Variants in ARHGAP39 observed in about 807,000 individuals in gnomAD.
ARHGAP39 encodes the protein rho GTPase-activating protein 39.
In ARHGAP39, 44 loss-of-function variants were observed where a neutral mutation model predicts 106.9. That is an observed-to-expected ratio of 0.41 (90% CI 0.32 to 0.53). The LOEUF is 0.53. Ranked by LOEUF, ARHGAP39 falls within the 20% of genes least tolerant of loss-of-function variation. The probability of loss-of-function intolerance (pLI) is 0.21; values close to 1 mark genes in which losing one functional copy is unlikely to be tolerated. For synonymous variants in ARHGAP39, 768 were observed against 693.2 expected (o/e 1.11, Z -1.69); for missense variants, 1,496 against 1,577.3 (o/e 0.95, Z 0.87).
In ARHGAP39 at chr8:144,530,909, C is replaced by T. The variant is rs539971387; in HGVS notation, c.2981-38G>A. ...CACGGGGCTCAGCGGCCCTGCTCGGCGGGCACCCCTGGGCCAAATGGGGTC... is the reference window on the plus strand; with the variant it reads ...CACGGGGCTCAGCGGCCCTGCTCGGTGGGCACCCCTGGGCCAAATGGGGTC... On this transcript the variant is annotated intron_variant, in intron 10 of 11. Coordinates refer to ENST00000377307, the MANE Select transcript of ARHGAP39 (RefSeq NM_025251.3). 3.5e-5 allele frequency: 55 copies of T among 1,583,116 alleles called. No homozygotes were observed. In the South Asian group the frequency reaches 4.1e-4, roughly 12 times the overall value.
At chr8:144,601,309 T>G (rs1416750835) in intron 2 of ARHGAP39, among the ~76,000 whole-genome samples, 5 of 133,274 alleles carry the variant, frequency 3.8e-5, no homozygotes, top group Non-Finnish European at 7.7e-5. Flanking sequence ...CTCATGTACC[T>G]GTGTGTGTGT....
the ARHGAP39 span, among the ~76,000 whole-genome samples, chr8:144,693,259 T>G: frequency 6.7e-6 from 1 of 149,880 alleles, no homozygotes; most frequent in African/African-American, 2.5e-5. Flanking sequence ...GAGGTGAGGT[T>G]TCGCCATGTT....
intron 3 of ARHGAP39, among the ~76,000 whole-genome samples, chr8:144,569,197 T>C (rs1818503641): frequency 1.3e-5 from 2 of 152,194 alleles, no homozygotes; most frequent in Non-Finnish European, 1.5e-5. Context: ...GCAAAGAATA[T>C]TTCTAGGAAC....
At chr8:144,541,961 T>G (rs986567271) in intron 6 of ARHGAP39, among the ~76,000 whole-genome samples, 3 of 131,558 alleles carry the variant, frequency 2.3e-5, no homozygotes, top group Non-Finnish European at 4.7e-5. Context: ...CATTTTACAT[T>G]CCTTTCTGGG....
the ARHGAP39 span, among the ~76,000 whole-genome samples, chr8:144,696,619 A>G: frequency 5.3e-4 from 80 of 152,092 alleles, no homozygotes; most frequent in African/African-American, 1.9e-3. Flanking sequence ...TTTCACTAAG[A>G]TTTTTATTGC....
intron 1 of ARHGAP39, among the ~76,000 whole-genome samples, chr8:144,615,163 A>T (rs1820600842): frequency 6.6e-6 from 1 of 152,224 alleles, no homozygotes; most frequent in Non-Finnish European, 1.5e-5. Context: ...CTACCAAAAA[A>T]TACAATGATT....
chr8:144,543,884 G>A (rs1817296160), intron 6 of ARHGAP39: 1 of 152,252 alleles, frequency 6.6e-6, no homozygotes, highest in Admixed American at 6.5e-5. Context: ...TACTCTCGGG[G>A]GTACCCACTG....
At chr8:144,531,192 G>A (rs964633330) in intron 10 of ARHGAP39, among the ~76,000 whole-genome samples, 10 of 147,836 alleles carry the variant, frequency 6.8e-5, no homozygotes, top group African/African-American at 2.2e-4. Flanking sequence ...ACAGGGCAGA[G>A]AGCAGCAGGT....
intron 1 of ARHGAP39, among the ~76,000 whole-genome samples, chr8:144,656,806 T>TAAAA (rs1821709007): frequency 7.3e-5 from 1 of 13,670 alleles, no homozygotes; most frequent in Non-Finnish European, 1.3e-4. Context: ...AGACTCCATC[T>TAAAA]CAAAAAAAAA....
At chr8:144,676,979 A>G (rs886955833) in intron 1 of ARHGAP39, among the ~76,000 whole-genome samples, 4 of 152,266 alleles carry the variant, frequency 2.6e-5, no homozygotes, top group Admixed American at 2.6e-4. Flanking sequence ...CATGTTGGTC[A>G]GGATGGTCTT....
At chr8:144,560,514 C>A (rs181209612) in intron 3 of ARHGAP39, among the ~76,000 whole-genome samples, 1 of 152,182 alleles carries the variant, frequency 6.6e-6, no homozygotes, top group Non-Finnish European at 1.5e-5. Context: ...CACATAATTA[C>A]GGTACAGAAC....
intron 3 of ARHGAP39, among the ~76,000 whole-genome samples, chr8:144,575,862 C>T (rs1818753687): frequency 6.6e-6 from 1 of 152,156 alleles, no homozygotes; most frequent in Non-Finnish European, 1.5e-5. Context: ...CTTGCGAGTA[C>T]GGTGTTGCAC....
intron 7 of ARHGAP39, 38 bp from the exon 8 acceptor site, chr8:144,534,240 G>T (rs758294695): frequency 1.2e-6 from 2 of 1,607,112 alleles, no homozygotes; most frequent in Admixed American, 3.3e-5. Flanking sequence ...TGATGTGGGT[G>T]TGTGGGTGTG....
At chr8:144,664,962 G>A (rs1821924734) in intron 1 of ARHGAP39, among the ~76,000 whole-genome samples, 1 of 152,230 alleles carries the variant, frequency 6.6e-6, no homozygotes, top group African/African-American at 2.4e-5. Flanking sequence ...GAACAGTTTG[G>A]AGGGTTCAAA....
rs1221489177 is a variant in ARHGAP39 at position 144,545,587 on chromosome 8, T to C, written c.2183A>G (p.Lys728Arg). ...NMLAWSSESIKKPMIVTSDRH... is the reference protein window; with the variant it reads ...NMLAWSSESIRKPMIVTSDRH... ...GTCGCTTGTCACGATCATGGGCTTC[T>C]TGATGGACTCGCTGCTCCAGGCCAG... Residue 728 changes from lysine (K) to arginine (R), a missense_variant, in exon 6 of 12, where the codon AAG becomes AGG. Physicochemically the swap from Lys to Arg is conservative, Grantham distance 26. Transcript: ENST00000377307. 1 of 1,613,666 alleles carries C rather than the reference T, an allele frequency of 6.2e-7. No homozygotes were observed. The highest frequency in any genetic ancestry group is 8.5e-7 in the Non-Finnish European group (1 of 1,180,022).
Position 144,545,780 on chromosome 8 carries a change from C to G in ARHGAP39, c.1990G>C (p.Glu664Gln), listed in dbSNP as rs557229440. ...SEDLAACAQF[E>Q]SSRQSRSGVP... Reference sequence around the variant, plus strand: ...CCGCTGCGGCTCTGCCGGCTGCTCTCGAACTGGGCACAGGCAGCGAGGTCC... The same window carrying G: ...CCGCTGCGGCTCTGCCGGCTGCTCTGGAACTGGGCACAGGCAGCGAGGTCC... Residue 664 changes from glutamate to glutamine, a missense_variant, in exon 6 of 12, where the codon GAG becomes CAG. Physicochemically the swap from Glu to Gln is conservative, Grantham distance 29. Around this residue, in one of 4 missense-constraint regions of ARHGAP39, gnomAD observed 905 missense variants for 816.4 expected, o/e 1.11. Coordinates refer to ENST00000377307, the MANE Select transcript of ARHGAP39 (RefSeq NM_025251.3). The G allele has an allele frequency of 6.3e-7, 1 of 1,586,600 alleles. No homozygotes were observed. The highest frequency in any genetic ancestry group is 8.6e-7 in the Non-Finnish European group (1 of 1,167,128).
chr8:144,650,734 A>C (rs1206780213), intron 1 of ARHGAP39, among the ~76,000 whole-genome samples: 3 of 152,192 alleles, frequency 2.0e-5, no homozygotes, highest in Admixed American at 1.3e-4. Context: ...TCAATAAACC[A>C]AGTATTGAAG....
intron 2 of ARHGAP39, among the ~76,000 whole-genome samples, chr8:144,602,267 CTGTG>C (rs1193544609): frequency 3.1e-5 from 3 of 96,766 alleles, no homozygotes; most frequent in African/African-American, 4.3e-5. Flanking sequence ...GCTCATGTAC[CTGTG>C]TGTGTGCGTG....
chr8:144,549,630 T>C (rs762356303), intron 4 of ARHGAP39, among the ~76,000 whole-genome samples: 1 of 152,090 alleles, frequency 6.6e-6, no homozygotes, highest in African/African-American at 2.4e-5. Context: ...GTAGCTGGGA[T>C]TACAGGCACA....
Sources: gnomAD v4.1 joint callset for allele counts (sites outside exome capture counted in the v4.1 genomes callset) on GRCh38, gnomAD v4.1.1 for gene constraint, gnomAD v4.1.1 regional missense constraint, MANE v1.5 for transcripts, NCBI Gene and HGNC (gene_info 2026-07-23, HGNC 2026-07-21) for gene names.